PSD3: variants seen among roughly 807,000 people sequenced by gnomAD.
The protein encoded by PSD3 is PH and SEC7 domain-containing protein 3.
PSD3 carries 49 observed loss-of-function variants against 105.5 expected under a neutral mutation model. The observed-to-expected ratio is 0.46, with a 90% confidence interval of 0.37 to 0.59. The LOEUF (loss-of-function observed/expected upper bound fraction) is 0.59, where lower values mean the gene tolerates loss of function less well. PSD3 is among the 20% of genes least tolerant of loss of function. The pLI is 0.00. For synonymous variants in PSD3, 557 were observed against 457.8 expected (o/e 1.22, Z -2.77); for missense variants, 1,561 against 1,263.8 (o/e 1.24, Z -3.57).
At chr8:19,076,364 T>A (rs1829463177) in intron 1 of PSD3, among the ~76,000 whole-genome samples, 1 of 152,102 alleles carries the variant, frequency 6.6e-6, no homozygotes, top group Non-Finnish European at 1.5e-5. Flanking sequence ...GAAAAGGATG[T>A]TAGAGGTAGG....
chr8:18,897,632 G>A (rs1011575142), intron 2 of PSD3, among the ~76,000 whole-genome samples: 1 of 152,150 alleles, frequency 6.6e-6, no homozygotes, highest in African/African-American at 2.4e-5. Context: ...CCCAATTCAT[G>A]AAAATGCAAT....
At chr8:18,584,841 C>T (rs2634447) in intron 12 of PSD3, among the ~76,000 whole-genome samples, 121,644 of 152,090 alleles carry the variant, frequency 0.8, 49,343 homozygotes, top group South Asian at 0.92. Context: ...CTACATGGAA[C>T]GGGTATGTAG....
intron 2 of PSD3, among the ~76,000 whole-genome samples, chr8:18,931,677 A>G (rs540822697): frequency 9.2e-5 from 14 of 152,250 alleles, no homozygotes; most frequent in African/African-American, 2.4e-4. Context: ...TGAACAGTTC[A>G]GGTGACGGCA....
At chr8:18,785,205 G>C (rs1809024780) in intron 8 of PSD3, among the ~76,000 whole-genome samples, 1 of 152,130 alleles carries the variant, frequency 6.6e-6, no homozygotes, top group Non-Finnish European at 1.5e-5. Context: ...GGCTTATATT[G>C]ATTGGAAGTG....
intron 8 of PSD3, among the ~76,000 whole-genome samples, chr8:18,766,508 A>G (rs1053420574): frequency 1.2e-4 from 19 of 152,356 alleles, no homozygotes; most frequent in African/African-American, 3.1e-4. Flanking sequence ...ACATTTATAC[A>G]ATATATAATA....
Position 18,872,393 on chromosome 8 carries a change from G to A in PSD3, c.471C>T (p.Asp157=). The change falls in exon 3 of 16, where the codon GAC becomes GAT. Residue 157 remains aspartate (D), a synonymous_variant. Coordinates refer to ENST00000327040, the MANE Select transcript of PSD3 (RefSeq NM_015310.4). ...CTGAAAAACTAGAAACAGCATCTTG[G>A]TCCAGTACCTTTGTAGCCTGTAATG... ...SGTLQATKVL[D]QDAVSSFSVQ... 6.2e-7 allele frequency: 1 copy of A among 1,614,146 alleles called. No homozygotes were observed. The highest frequency in any genetic ancestry group is 1.3e-5 in the African/African-American group (1 of 75,026).
chr8:18,839,389 A>C (rs1814421114), intron 4 of PSD3, among the ~76,000 whole-genome samples: 1 of 152,162 alleles, frequency 6.6e-6, no homozygotes, highest in South Asian at 2.1e-4. Flanking sequence ...AGTGGGGCCA[A>C]GTTTGCCTTG....
chr8:18,544,893 A>T (rs556420374), intron 15 of PSD3, among the ~76,000 whole-genome samples: 1 of 152,226 alleles, frequency 6.6e-6, no homozygotes, highest in African/African-American at 2.4e-5. Flanking sequence ...GAGGAAGGAG[A>T]GCTGAGTGAC....
intron 14 of PSD3, among the ~76,000 whole-genome samples, chr8:18,561,097 A>C (rs1420114639): frequency 6.6e-6 from 1 of 152,230 alleles, no homozygotes; most frequent in African/African-American, 2.4e-5. Flanking sequence ...GTATGTAGCC[A>C]AAGAAATGAA....
rs185547240 is a variant in PSD3, at chr8:19,063,661, C to T, written c.324+20545G>A. ...AGTAAAGACTTTTACCCAGGTCCAC[C>T]TGGTTTCCAAGTTCATGTCCTTCTT... On this transcript the variant is annotated intron_variant, in intron 1 of 1. Coordinates refer to the PSD3 transcript ENST00000521475. Among the ~76,000 whole-genome samples, 460 of 152,272 alleles carry T rather than the reference C, an allele frequency of 3.0e-3. 1 individual carries two copies. Among genetic ancestry groups the T allele is most frequent in the African/African-American group, 0.011 (441 of 41,550 alleles).
At chr8:18,748,956 G>T (rs1352016024) in intron 9 of PSD3, among the ~76,000 whole-genome samples, 1 of 152,170 alleles carries the variant, frequency 6.6e-6, no homozygotes, top group Non-Finnish European at 1.5e-5. Flanking sequence ...TAAAAGTTTA[G>T]AAATAAGAAA....
intron 1 of PSD3, among the ~76,000 whole-genome samples, chr8:19,042,854 AC>A (rs1828169163): frequency 6.6e-6 from 1 of 152,194 alleles, no homozygotes; most frequent in Non-Finnish European, 1.5e-5. Flanking sequence ...AGAAAGCACA[AC>A]CTTATAAGAA....
intron 1 of PSD3, among the ~76,000 whole-genome samples, chr8:19,062,490 C>G (rs1041008686): frequency 1.3e-5 from 2 of 150,596 alleles, no homozygotes. Flanking sequence ...CACTGTTTCC[C>G]CAGTTAACTC....
chr8:19,012,664 T>C lies in PSD3; in HGVS notation c.21+899A>G, dbSNP rs551046627. ...CTTCTTGAAAGCAGAAATCCTATCCTACTTACCTAGCTACCGGGCTTTGCA... is the reference window on the plus strand; with the variant it reads ...CTTCTTGAAAGCAGAAATCCTATCCCACTTACCTAGCTACCGGGCTTTGCA... On this transcript the variant is annotated intron_variant, in intron 1 of 15. Transcript: ENST00000327040. 1.5e-3 allele frequency among the ~76,000 whole-genome samples: 231 copies of C among 152,332 alleles called. 1 individual carries two copies. The highest frequency in any genetic ancestry group is 6.8e-3 in the Middle Eastern group (2 of 294).
intron 10 of PSD3, among the ~76,000 whole-genome samples, chr8:18,638,753 G>A (rs1272458966): frequency 1.3e-5 from 2 of 152,036 alleles, no homozygotes; most frequent in Non-Finnish European, 2.9e-5. Flanking sequence ...AAAATTTGTA[G>A]GAAACTAGAA....
intron 9 of PSD3, among the ~76,000 whole-genome samples, chr8:18,731,283 C>A (rs1803731527): frequency 6.6e-6 from 1 of 152,100 alleles, no homozygotes; most frequent in Non-Finnish European, 1.5e-5. Flanking sequence ...AAACCTTCTT[C>A]ATCACATAGC....
chr8:18,650,085 AG>A (rs1264735686), intron 10 of PSD3, among the ~76,000 whole-genome samples: 2 of 152,380 alleles, frequency 1.3e-5, no homozygotes, highest in African/African-American at 4.8e-5. Context: ...ACACTGTTGT[AG>A]AAAGCAGCAA....
At chr8:18,740,538 C>A (rs545404132) in intron 9 of PSD3, among the ~76,000 whole-genome samples, 4 of 152,290 alleles carry the variant, frequency 2.6e-5, no homozygotes, top group Admixed American at 6.5e-5. Context: ...GTCTGAGTGA[C>A]CTTGGATGAA....
intron 9 of PSD3, among the ~76,000 whole-genome samples, chr8:18,749,064 T>C (rs1805265002): frequency 6.6e-6 from 1 of 152,256 alleles, no homozygotes. Flanking sequence ...GTCTTAGTCC[T>C]TTTAAAATAA....
Sources: allele counts gnomAD v4.1 joint callset (sites outside exome capture counted in the v4.1 genomes callset), GRCh38; gene constraint gnomAD v4.1.1; transcripts MANE v1.5; gene names NCBI Gene and HGNC (gene_info 2026-07-23, HGNC 2026-07-21).